The following KIAA1217 variants were observed in gnomAD, a reference collection of about 807,000 sequenced individuals.
The protein encoded by KIAA1217 is KIAA1217.
KIAA1217 carries 88 observed loss-of-function variants against 163.9 expected under a neutral mutation model. The ratio of observed to expected loss-of-function variants is 0.54; its 90% CI spans 0.45 to 0.64. The LOEUF is 0.64. Ranked by LOEUF, KIAA1217 falls within the 30% of genes least tolerant of loss-of-function variation. KIAA1217 has a pLI of 0.00. For missense variants in KIAA1217, 2,372 were observed against 2,475.0 expected, an observed-to-expected ratio of 0.96 and a Z score of 0.88; for synonymous variants, 903 against 923.1, an observed-to-expected ratio of 0.98 and a Z score of 0.39.
chr10:23,769,189 G>T (rs1037369338), intron 1 of KIAA1217, among the ~76,000 whole-genome samples: 4 of 152,198 alleles, frequency 2.6e-5, no homozygotes, highest in Admixed American at 6.5e-5. Context: ...TGAGTCACGA[G>T]TGCTGGTTGG....
At chr10:23,715,368 A>C (rs1200866119) in intron 1 of KIAA1217, among the ~76,000 whole-genome samples, 11 of 152,206 alleles carry the variant, frequency 7.2e-5, no homozygotes, top group Non-Finnish European at 1.6e-4. Context: ...GAAGTAAAGA[A>C]GTGAAAAAAA....
intron 1 of KIAA1217, among the ~76,000 whole-genome samples, chr10:23,781,718 C>A (rs1835267576): frequency 1.3e-5 from 2 of 152,104 alleles, no homozygotes; most frequent in African/African-American, 4.8e-5. Context: ...TACAATAGTT[C>A]TTTGATTCAT....
At chr10:23,858,388 T>A (rs553821944) in intron 1 of KIAA1217, among the ~76,000 whole-genome samples, 2 of 152,238 alleles carry the variant, frequency 1.3e-5, no homozygotes, top group African/African-American at 4.8e-5. Flanking sequence ...TAGAACTTTT[T>A]AAAATTATAT....
chr10:23,849,120 T>G lies in KIAA1217; in HGVS notation c.-321+153886T>G, dbSNP rs1232658064. On this transcript the variant is annotated intron_variant, in intron 1 of 18. Transcript: ENST00000376462. ...CTAAATACTGTTGTTGATACAATTCTTCATAATTAGCTTGCATTAAGTGTT... is the reference window on the plus strand; with the variant it reads ...CTAAATACTGTTGTTGATACAATTCGTCATAATTAGCTTGCATTAAGTGTT... 3.9e-5 allele frequency among the ~76,000 whole-genome samples: 6 copies of G among 152,226 alleles called. No homozygotes were observed. In the East Asian group the frequency reaches 1.2e-3, roughly 29 times the overall value.
At chr10:23,876,018 C>A (rs1013967744) in intron 1 of KIAA1217, among the ~76,000 whole-genome samples, 2 of 151,380 alleles carry the variant, frequency 1.3e-5, no homozygotes, top group Non-Finnish European at 2.9e-5. Context: ...TTGATGGGTG[C>A]AGCAAACCAA....
At chr10:23,915,772 T>C (rs1240945378) in intron 1 of KIAA1217, among the ~76,000 whole-genome samples, 1 of 152,184 alleles carries the variant, frequency 6.6e-6, no homozygotes, top group Non-Finnish European at 1.5e-5. Context: ...GCAGGGCCGA[T>C]GACCAGACCC....
At chr10:24,118,718 T>TA (rs398114152) in intron 2 of KIAA1217, among the ~76,000 whole-genome samples, 1 of 151,746 alleles carries the variant, frequency 6.6e-6, no homozygotes, top group African/African-American at 2.4e-5. Context: ...TTTTTTTTTT[T>TA]AAAGGCAGCT....
At chr10:24,340,129 C>A (rs913413423) in intron 2 of KIAA1217, among the ~76,000 whole-genome samples, 32 of 152,176 alleles carry the variant, frequency 2.1e-4, no homozygotes, top group African/African-American at 7.2e-4. Context: ...ACTGACAGCC[C>A]TGTGATTTGG....
intron 2 of KIAA1217, among the ~76,000 whole-genome samples, chr10:24,021,396 T>C (rs1847726556): frequency 6.6e-6 from 1 of 151,876 alleles, no homozygotes; most frequent in Admixed American, 6.6e-5. Flanking sequence ...TCTAACTAAA[T>C]ATACACATGA....
intron 1 of KIAA1217, among the ~76,000 whole-genome samples, chr10:23,726,274 A>C (rs1032097313): frequency 6.7e-6 from 1 of 149,642 alleles, no homozygotes; most frequent in African/African-American, 2.4e-5. Flanking sequence ...TGTTTGTAAA[A>C]AGTAAGCCTA....
At chr10:24,493,667 A>G (rs556521516) in intron 6 of KIAA1217, among the ~76,000 whole-genome samples, 1 of 152,344 alleles carries the variant, frequency 6.6e-6, no homozygotes, top group South Asian at 2.1e-4. Flanking sequence ...GAGATGGCCA[A>G]GCTGTTAGGG....
chr10:24,036,338 A>G (rs1268249194), intron 2 of KIAA1217, among the ~76,000 whole-genome samples: 1 of 152,122 alleles, frequency 6.6e-6, no homozygotes, highest in African/African-American at 2.4e-5. Flanking sequence ...ACGAAACTAA[A>G]TAGAGATATA....
chr10:24,133,662 G>A (rs2063737428), intron 2 of KIAA1217, among the ~76,000 whole-genome samples: 1 of 152,000 alleles, frequency 6.6e-6, no homozygotes, highest in African/African-American at 2.4e-5. Context: ...ACAGCAACTA[G>A]TGAGTGAAGG....
At chr10:24,270,005 C>T (rs2076618655) in intron 2 of KIAA1217, among the ~76,000 whole-genome samples, 1 of 152,188 alleles carries the variant, frequency 6.6e-6, no homozygotes, top group African/African-American at 2.4e-5. Context: ...ATGGAAGAAT[C>T]GCCCCCTGCC....
At chr10:24,419,102 A>C (rs2058514164) in intron 3 of KIAA1217, among the ~76,000 whole-genome samples, 1 of 149,866 alleles carries the variant, frequency 6.7e-6, no homozygotes, top group Admixed American at 6.8e-5. Flanking sequence ...GCTTGAACCC[A>C]GGAGGCAGAG....
intron 3 of KIAA1217, among the ~76,000 whole-genome samples, chr10:24,381,708 G>A (rs1223273270): frequency 6.6e-6 from 1 of 152,174 alleles, no homozygotes; most frequent in Non-Finnish European, 1.5e-5. Flanking sequence ...AAATTGTGAG[G>A]AACTGACCGT....
chr10:23,762,124 C>A (rs954621613), intron 1 of KIAA1217, among the ~76,000 whole-genome samples: 5 of 151,932 alleles, frequency 3.3e-5, no homozygotes, highest in African/African-American at 9.7e-5. Context: ...AGCCTACCAA[C>A]AACAACAACA....
chr10:23,900,914 C>G (rs1841929253), intron 1 of KIAA1217, among the ~76,000 whole-genome samples: 1 of 151,972 alleles, frequency 6.6e-6, no homozygotes, highest in African/African-American at 2.4e-5. Flanking sequence ...TATCCTAAAG[C>G]TTCAGTGGAG....
chr10:23,783,104 T>C (rs1005945905), intron 1 of KIAA1217, among the ~76,000 whole-genome samples: 2 of 152,228 alleles, frequency 1.3e-5, no homozygotes, highest in Non-Finnish European at 2.9e-5. Context: ...TTTTCCAATC[T>C]TTTGGCTTCC....
Sources: gnomAD v4.1 joint callset for allele counts (sites outside exome capture counted in the v4.1 genomes callset) on GRCh38, gnomAD v4.1.1 for gene constraint, MANE v1.5 for transcripts, NCBI Gene and HGNC (gene_info 2026-07-23, HGNC 2026-07-21) for gene names.